DEPDC1: variants seen among roughly 807,000 people sequenced by gnomAD.
DEPDC1 encodes the protein DEP domain-containing protein 1A.
In DEPDC1, 66 loss-of-function variants were observed where a neutral mutation model predicts 86.8. The ratio of observed to expected loss-of-function variants is 0.76; its 90% CI spans 0.62 to 0.93. The LOEUF (loss-of-function observed/expected upper bound fraction) is 0.93. Among genes scored for constraint, DEPDC1 ranks in the 40% least tolerant of loss-of-function variants. DEPDC1 has a pLI of 0.00. For synonymous variants in DEPDC1, 255 were observed against 314.9 expected (o/e 0.81, Z 2.02); for missense variants, 792 against 935.7 (o/e 0.85, Z 2.00).
At chr1:68,477,646 ACAT>A in intron 11 of DEPDC1, 138 bp downstream of exon 11, 1 of 484,014 alleles carries the variant, frequency 2.1e-6, no homozygotes, top group Non-Finnish European at 3.3e-6. Context: ...CATATACAAG[ACAT>A]CATAATATAT....
At chr1:68,489,114 T>C (rs1368277357) in intron 3 of DEPDC1, 80 bp from the exon 4 acceptor site, 2 of 874,236 alleles carry the variant, frequency 2.3e-6, no homozygotes, top group Non-Finnish European at 1.9e-6. Context: ...TCTATTACTA[T>C]CAGTCCATTG....
In DEPDC1 at chr1:68,482,319, A is replaced by C. The variant is rs756797784; in HGVS notation, c.1489T>G (p.Leu497Val). 1 of 1,612,660 alleles carries C rather than the reference A, an allele frequency of 6.2e-7. No individual in the cohort carries two copies. The highest frequency in any genetic ancestry group is 1.7e-5 in the Admixed American group (1 of 59,772). The change falls in exon 8 of 12, where the codon TTG becomes GTG. Residue 497 changes from leucine to valine, a missense_variant. Coordinates refer to ENST00000456315, the MANE Select transcript of DEPDC1 (RefSeq NM_001114120.3). ...STLTVQDQEELCNGKCKSKQL... is the reference protein window; with the variant it reads ...STLTVQDQEEVCNGKCKSKQL... ...TTTGACTTGCATTTCCCATTACACA[A>C]CTCCTCTTGGTCTTGAACAGTCAAA... is the stretch of plus-strand genomic sequence containing the variant.
intron 9 of DEPDC1, among the ~76,000 whole-genome samples, chr1:68,480,041 A>G (rs1331353437): frequency 6.6e-6 from 1 of 152,054 alleles, no homozygotes; most frequent in East Asian, 1.9e-4. Context: ...ACTTCTATTC[A>G]TAAGTGGTTG....
intron 11 of DEPDC1, among the ~76,000 whole-genome samples, chr1:68,477,480 C>T (rs1646124085): frequency 1.3e-5 from 2 of 151,630 alleles, no homozygotes; most frequent in Admixed American, 6.6e-5. Context: ...GATACATATC[C>T]ATACCTTATA....
At chr1:68,493,597 T>C (rs1342565818) in intron 2 of DEPDC1, among the ~76,000 whole-genome samples, 1 of 152,254 alleles carries the variant, frequency 6.6e-6, no homozygotes, top group Non-Finnish European at 1.5e-5. Flanking sequence ...GGTTAATACC[T>C]ACCCTGCTTG....
rs576583903 is a variant in DEPDC1, at chr1:68,497,013, C to T, written c.-14G>A. 2.5e-5 allele frequency: 41 copies of T among 1,611,256 alleles called. No homozygotes were observed. In the South Asian group the frequency reaches 4.4e-4, roughly 17 times the overall value. ...CTGACTCTCCATAGGTCTGTCAGCG[C>T]CCGGTGGCGTCCATGGCGGCGAAGG... On this transcript the variant is annotated 5_prime_UTR_variant, in exon 1 of 12. Coordinates refer to ENST00000456315, the MANE Select transcript of DEPDC1 (RefSeq NM_001114120.3).
chr1:68,489,445 G>A lies in DEPDC1; in HGVS notation c.471+7C>T. 6.8e-7 allele frequency: 1 copy of A among 1,473,228 alleles called. No individual in the cohort carries two copies. Among genetic ancestry groups the A allele is most frequent in the Non-Finnish European group, 9.0e-7 (1 of 1,112,264 alleles). The allele number at this position is 1,473,228 out of a possible 1,614,324, so 91.3% of individuals were successfully genotyped here. A position where few individuals can be genotyped will look rare whatever the true frequency, so the allele number is the denominator to read the frequency against. On this transcript the variant is annotated splice_region_variant and intron_variant, in intron 3 of 11. Transcript: ENST00000456315. The stretch of plus-strand genomic sequence containing the variant: ...TTAAACTAGTAATTAGTAAAAGGAT[G>A]TGTTACCTGAGATAAATGTAATCCA...
intron 3 of DEPDC1, 95 bp downstream of exon 3, chr1:68,489,357 C>A: frequency 1.1e-6 from 1 of 927,990 alleles, no homozygotes; most frequent in Non-Finnish European, 1.5e-6. Flanking sequence ...TCAGTTCTGG[C>A]TTTAAATATT....
intron 6 of DEPDC1, 128 bp from the exon 7 acceptor site, chr1:68,484,218 CA>C: frequency 3.1e-6 from 2 of 641,276 alleles, no homozygotes; most frequent in East Asian, 3.5e-5. Context: ...TGCCACAGTT[CA>C]AAAATTTAAA....
Position 68,494,466 on chromosome 1 carries a change from C to G in DEPDC1, c.278G>C (p.Gly93Ala), listed in dbSNP as rs1557623805. 3 of 1,613,606 alleles carry G rather than the reference C, an allele frequency of 1.9e-6. No individual in the cohort carries two copies. In the South Asian group the frequency reaches 3.3e-5, roughly 18 times the overall value. Residue 93 changes from glycine to alanine, a missense_variant, in exon 2 of 12, where the codon GGA (glycine) becomes GCA (alanine). Physicochemically the swap from Gly to Ala is moderately conservative, Grantham distance 60 (BLOSUM62 0). Coordinates refer to ENST00000456315, the MANE Select transcript of DEPDC1 (RefSeq NM_001114120.3). ...HVIEDIKGRW[G>A]SENVDDNNQL... Reference sequence around the variant, plus strand: ...GTTGTTATCATCAACATTTTCTGATCCCCACCTCCCTTTGATATCTTCAAT... The same window carrying G: ...GTTGTTATCATCAACATTTTCTGATGCCCACCTCCCTTTGATATCTTCAAT...
At chr1:68,480,282 A>ACACACACC (rs1163481663) in intron 9 of DEPDC1, among the ~76,000 whole-genome samples, 1 of 149,818 alleles carries the variant, frequency 6.7e-6, no homozygotes, top group Non-Finnish European at 1.5e-5. Flanking sequence ...ACACACACAC[A>ACACACACC]CCCCTCATTC....
Position 68,495,041 on chromosome 1 carries a change from C to G in DEPDC1, c.49-346G>C, listed in dbSNP as rs1209607657. Among the ~76,000 whole-genome samples, 7 of 152,002 alleles carry G rather than the reference C, an allele frequency of 4.6e-5. No homozygotes were observed. In the South Asian group the frequency reaches 1.5e-3, roughly 32 times the overall value. On this transcript the variant is annotated intron_variant, in intron 1 of 11. Transcript: ENST00000456315. ...CCTATAATCCCAGCTACTCAGGAGG[C>G]TGAGTCAGGAGAATCACTTGAACCT...
intron 2 of DEPDC1, among the ~76,000 whole-genome samples, chr1:68,493,687 A>T (rs1408645268): frequency 6.6e-6 from 1 of 152,160 alleles, no homozygotes; most frequent in East Asian, 1.9e-4. Context: ...CTTAATAAAT[A>T]TTCTCTTTAA....
chr1:68,480,023 T>A (rs183510684), intron 9 of DEPDC1, among the ~76,000 whole-genome samples: 1 of 152,108 alleles, frequency 6.6e-6, no homozygotes, highest in East Asian at 1.9e-4. Flanking sequence ...ATGTGTAACA[T>A]ATAGAACACT....
rs1321778157 is a variant in DEPDC1, at chr1:68,482,801, A to G, written c.1007T>C (p.Leu336Ser). 2 of 1,612,418 alleles carry G rather than the reference A, an allele frequency of 1.2e-6. No homozygotes were observed. Among genetic ancestry groups the G allele is most frequent in the South Asian group, 2.2e-5 (2 of 90,950 alleles). ...QSSKFLHLNNLNSFKSTECLL... is the reference protein window; with the variant it reads ...QSSKFLHLNNSNSFKSTECLL... Reference sequence around the variant, plus strand: ...GCACTCAGTTGATTTGAAGGAATTCAAATTGTTTAAGTGAAGGAATTTTGA... The same window carrying G: ...GCACTCAGTTGATTTGAAGGAATTCGAATTGTTTAAGTGAAGGAATTTTGA... Residue 336 changes from leucine (L) to serine (S), a missense_variant, in exon 8 of 12, where the codon TTG (leucine) becomes TCG (serine). Transcript: ENST00000456315.
intron 8 of DEPDC1, 84 bp from the exon 9 acceptor site, chr1:68,481,696 G>A (rs558122294): frequency 3.7e-6 from 4 of 1,067,824 alleles, no homozygotes; most frequent in Admixed American, 3.2e-5. Flanking sequence ...ATATAAAGAA[G>A]GTAAAATAAT....
intron 2 of DEPDC1, among the ~76,000 whole-genome samples, chr1:68,493,263 T>G (rs939492311): frequency 6.6e-6 from 1 of 152,112 alleles, no homozygotes; most frequent in Non-Finnish European, 1.5e-5. Context: ...TTTTGGTACA[T>G]AGGAAACAAT....
chr1:68,482,750 T>C lies in DEPDC1; in HGVS notation c.1058A>G (p.Glu353Gly), dbSNP rs1320537317. ...AGAATCTGATTCTTCTTTGTTTTTT[T>C]CTCTATGAAGCAGACTGAGAAGAAG... The part of the protein sequence containing the change: ...ECLLLSLLHR[E>G]KNKEESDSTE... Residue 353 changes from glutamate to glycine, a missense_variant, in exon 8 of 12, where the codon GAA becomes GGA. Physicochemically the swap from Glu to Gly is moderately conservative, Grantham distance 98 (BLOSUM62 -2). Transcript: ENST00000456315. 4 of 1,612,600 alleles carry C rather than the reference T, an allele frequency of 2.5e-6. No homozygotes were observed. The highest frequency in any genetic ancestry group is 1.1e-5 in the South Asian group (1 of 90,974).
Position 68,493,513 on chromosome 1 carries a change from G to A in DEPDC1, c.314+917C>T, listed in dbSNP as rs78793473. ...CTGACAAATGTGTACAGTGTCTCAC[G>A]GTGGAAAAACATTTCAGGCAGACAG... is the stretch of plus-strand genomic sequence containing the variant. On this transcript the variant is annotated intron_variant, in intron 2 of 11. Coordinates refer to ENST00000456315, the MANE Select transcript of DEPDC1 (RefSeq NM_001114120.3). Among the ~76,000 whole-genome samples the A allele has an allele frequency of 7.7e-3, 1,179 of 152,190 alleles. 7 individuals are homozygous for A. The highest frequency in any genetic ancestry group is 0.013 in the Non-Finnish European group (891 of 68,016).
Sources: gnomAD v4.1 joint callset for allele counts (sites outside exome capture counted in the v4.1 genomes callset) on GRCh38, gnomAD v4.1.1 for gene constraint, MANE v1.5 for transcripts, NCBI Gene and HGNC (gene_info 2026-07-23, HGNC 2026-07-21) for gene names.